The following RGS5 variants were observed in gnomAD, a reference collection of about 807,000 sequenced individuals.
The protein encoded by RGS5 is regulator of G-protein signalling 5.
A neutral mutation model predicts 18.9 loss-of-function variants in RGS5; 20 were observed. The ratio of observed to expected loss-of-function variants is 1.06; its 90% CI spans 0.74 to 1.54. RGS5 has a LOEUF of 1.54. RGS5 is among the 40% of genes most tolerant of loss of function. The pLI is 0.00. For missense variants in RGS5, 201 were observed against 211.8 expected (o/e 0.95, Z 0.32); for synonymous variants, 57 against 76.2 (o/e 0.75, Z 1.31).
At chr1:163,268,104 C>T (rs1437192930) in intron 2 of RGS5, among the ~76,000 whole-genome samples, 1 of 151,976 alleles carries the variant, frequency 6.6e-6, no homozygotes, top group Non-Finnish European at 1.5e-5. Flanking sequence ...ATCTGGTCAG[C>T]TCCTAATAAG....
At chr1:163,189,592 C>T (rs1220853131) in intron 1 of RGS5, among the ~76,000 whole-genome samples, 1 of 152,168 alleles carries the variant, frequency 6.6e-6, no homozygotes, top group Admixed American at 6.5e-5. Flanking sequence ...ATTAAAGGAC[C>T]TTAACTAAGT....
At chr1:163,245,086 C>T (rs994159820) in intron 2 of RGS5, 23 of 152,186 alleles carry the variant, frequency 1.5e-4, no homozygotes, top group African/African-American at 4.8e-4. Context: ...GAGTAAATTT[C>T]GTCAAACAAC....
chr1:163,310,445 G>A (rs910114874), intron 1 of RGS5, among the ~76,000 whole-genome samples: 1 of 151,930 alleles, frequency 6.6e-6, no homozygotes, highest in African/African-American at 2.4e-5. Context: ...CGCAGTGGTG[G>A]GTGCCTGTAG....
chr1:163,280,284 T>G (rs1260060898), intron 2 of RGS5, among the ~76,000 whole-genome samples: 1 of 151,886 alleles, frequency 6.6e-6, no homozygotes, highest in Non-Finnish European at 1.5e-5. Context: ...CAAATGAAAC[T>G]CAATAACATC....
At chr1:163,211,374 G>C (rs1349376101) in intron 1 of RGS5, 1 of 152,106 alleles carries the variant, frequency 6.6e-6, no homozygotes, top group Non-Finnish European at 1.5e-5. Flanking sequence ...AAAGTGAAAA[G>C]AAAATGAATA....
chr1:163,157,463 G>A (rs1360378468), intron 3 of RGS5, among the ~76,000 whole-genome samples: 1 of 152,140 alleles, frequency 6.6e-6, no homozygotes, highest in Non-Finnish European at 1.5e-5. Flanking sequence ...GAAGAACCTT[G>A]TTAGAAGAGA....
intron 1 of RGS5, among the ~76,000 whole-genome samples, chr1:163,173,681 G>A (rs776935666): frequency 6.6e-5 from 10 of 152,162 alleles, no homozygotes; most frequent in Non-Finnish European, 8.8e-5. Flanking sequence ...GTTGTTTCTC[G>A]CTTCAGAGAC....
At chr1:163,286,472 CATT>C (rs574750597) in intron 2 of RGS5, among the ~76,000 whole-genome samples, 66 of 152,124 alleles carry the variant, frequency 4.3e-4, no homozygotes, top group African/African-American at 1.4e-3. Flanking sequence ...TAAAGTCTCT[CATT>C]ATTTTTTCCT....
At chr1:163,206,108 T>C (rs546808041), upstream of RGS5, among the ~76,000 whole-genome samples, 2 of 152,288 alleles carry the variant, frequency 1.3e-5, no homozygotes, top group African/African-American at 4.8e-5. Flanking sequence ...CAGAAATATA[T>C]ACTGTCAATA....
intron 2 of RGS5, among the ~76,000 whole-genome samples, chr1:163,293,914 A>C (rs188522095): frequency 2.4e-4 from 37 of 152,186 alleles, no homozygotes; most frequent in Admixed American, 1.8e-3. Context: ...GCTCCAAAAT[A>C]ATCTCCTTTG....
intron 1 of RGS5, among the ~76,000 whole-genome samples, chr1:163,169,570 T>C (rs1323722637): frequency 6.6e-6 from 1 of 152,148 alleles, no homozygotes; most frequent in African/African-American, 2.4e-5. Context: ...TGGTGTGAGA[T>C]GGTATCTCAC....
At chr1:163,264,453 C>T (rs1352307051) in intron 2 of RGS5, among the ~76,000 whole-genome samples, 3 of 152,088 alleles carry the variant, frequency 2.0e-5, no homozygotes, top group Non-Finnish European at 4.4e-5. Context: ...TGAATAAAAG[C>T]TCTTTTGTTC....
chr1:163,165,622 T>C (rs1007030723), intron 2 of RGS5, among the ~76,000 whole-genome samples: 2 of 152,140 alleles, frequency 1.3e-5, no homozygotes, highest in Admixed American at 1.3e-4. Context: ...GTAGGTCAAC[T>C]GGGCTGGGCG....
At chr1:163,307,789 T>G (rs1649745478) in intron 1 of RGS5, among the ~76,000 whole-genome samples, 1 of 152,184 alleles carries the variant, frequency 6.6e-6, no homozygotes, top group East Asian at 1.9e-4. Flanking sequence ...ATTGACCACC[T>G]TCATTGTAAC....
chr1:163,164,965 C>G (rs182394822), intron 2 of RGS5, among the ~76,000 whole-genome samples: 3 of 152,296 alleles, frequency 2.0e-5, no homozygotes. Flanking sequence ...ATTAGATGTG[C>G]CTAGTCCCCT....
At chr1:163,227,793 G>A (rs756007989) in intron 2 of RGS5, among the ~76,000 whole-genome samples, 1 of 152,164 alleles carries the variant, frequency 6.6e-6, no homozygotes, top group Non-Finnish European at 1.5e-5. Flanking sequence ...CAGGCATTGG[G>A]TAAATGTTCC....
At chr1:163,202,502 G>T (rs562262956) in intron 1 of RGS5, among the ~76,000 whole-genome samples, 1 of 152,236 alleles carries the variant, frequency 6.6e-6, no homozygotes, top group African/African-American at 2.4e-5. Flanking sequence ...TAACCATACA[G>T]TTTTTACTCT....
intron 2 of RGS5, among the ~76,000 whole-genome samples, chr1:163,235,024 A>T (rs536931534): frequency 6.6e-6 from 1 of 152,372 alleles, no homozygotes; most frequent in South Asian, 2.1e-4. Flanking sequence ...AAAGCAAGTC[A>T]CAGGGACATC....
At chr1:163,311,428 A>AGAGGCCTAGCTT (rs1478734511) in intron 1 of RGS5, among the ~76,000 whole-genome samples, 1 of 152,210 alleles carries the variant, frequency 6.6e-6, no homozygotes, top group African/African-American at 2.4e-5. Flanking sequence ...GTCTGGCACA[A>AGAGGCCTAGCTT]GAGGCCTAGC....
Sources: gnomAD v4.1 joint callset for allele counts (sites outside exome capture counted in the v4.1 genomes callset) on GRCh38, gnomAD v4.1.1 for gene constraint, MANE v1.5 for transcripts, NCBI Gene and HGNC (gene_info 2026-07-23, HGNC 2026-07-21) for gene names.